The following ENAH variants were observed in gnomAD, a reference collection of about 807,000 sequenced individuals.
ENAH encodes the protein ENAH actin regulator, also known as protein enabled homolog.
A neutral mutation model predicts 78.7 loss-of-function variants in ENAH; 23 were observed. That is an observed-to-expected ratio of 0.29 (90% CI 0.21 to 0.41). The LOEUF (loss-of-function observed/expected upper bound fraction) is 0.41, where lower values mean the gene tolerates loss of function less well. Ranked by LOEUF, ENAH falls within the 10% of genes least tolerant of loss-of-function variation. The pLI, the probability that ENAH is intolerant of heterozygous loss-of-function variation, is 1.00. For synonymous variants in ENAH, 226 were observed against 241.0 expected (o/e 0.94, Z 0.58); for missense variants, 544 against 691.0 (o/e 0.79, Z 2.39).
intron 3 of ENAH, among the ~76,000 whole-genome samples, chr1:225,539,427 T>C (rs17501845): frequency 0.043 from 6,544 of 152,284 alleles, 229 homozygotes; most frequent in South Asian, 0.1. Context: ...TACATATATA[T>C]AAATGATAAA....
intron 10 of ENAH, among the ~76,000 whole-genome samples, chr1:225,509,312 G>T (rs1415124999): frequency 1.3e-5 from 2 of 152,204 alleles, no homozygotes; most frequent in African/African-American, 4.8e-5. Flanking sequence ...TCACTAAAGA[G>T]GCGGCGGGTG....
intron 2 of ENAH, among the ~76,000 whole-genome samples, chr1:225,556,954 A>G (rs2096670325): frequency 6.6e-6 from 1 of 152,200 alleles, no homozygotes; most frequent in Non-Finnish European, 1.5e-5. Flanking sequence ...CCTGCAGCAC[A>G]TAAATCAAGT....
At chr1:225,633,039 CTTT>C (rs3050270) in intron 1 of ENAH, among the ~76,000 whole-genome samples, 3 of 141,814 alleles carry the variant, frequency 2.1e-5, no homozygotes, top group Non-Finnish European at 1.5e-5. Flanking sequence ...CACTCAAAGT[CTTT>C]TTTTTTTTTT....
At chr1:225,505,604 A>G (rs16845000) in intron 11 of ENAH, among the ~76,000 whole-genome samples, 11,875 of 143,144 alleles carry the variant, frequency 0.083, 583 homozygotes, top group Admixed American at 0.15. Flanking sequence ...GGGGACCTTC[A>G]CTACAATGCA....
intron 11 of ENAH, among the ~76,000 whole-genome samples, chr1:225,504,216 C>T (rs2096307737): frequency 6.6e-6 from 1 of 151,906 alleles, no homozygotes; most frequent in African/African-American, 2.4e-5. Flanking sequence ...GCTATGTTTC[C>T]CAGGCTGGTC....
In ENAH at chr1:225,488,150, G is replaced by C. The variant is rs527666316; in HGVS notation, c.*9625C>G. ...GGGCAGCAGACAGCACAATAGTCAA[G>C]GACAAGGTTTTTATTTATTTATTTA... On this transcript the variant is annotated 3_prime_UTR_variant, in exon 14 of 14. Transcript: ENST00000366843. 6.6e-6 allele frequency: 1 copy of C among 152,032 alleles called. No individual in the cohort carries two copies. Among genetic ancestry groups the C allele is most frequent in the African/African-American group, 2.4e-5 (1 of 41,500 alleles). 9.4% of individuals were successfully genotyped at this position (152,032 alleles called of 1,614,324 possible).
intron 5 of ENAH, 64 bp from the exon 6 acceptor site, chr1:225,517,370 G>C: frequency 1.3e-6 from 2 of 1,551,826 alleles, no homozygotes; most frequent in South Asian, 2.4e-5. Context: ...GGGGTGCTTG[G>C]AGGAGGAGAA....
rs527652675 is a variant in ENAH, at chr1:225,591,677, A to G, written c.6-24263T>C. Among the ~76,000 whole-genome samples the G allele has an allele frequency of 1.3e-4, 19 of 148,248 alleles. No individual in the cohort carries two copies. In the South Asian group the frequency reaches 4.1e-3, roughly 32 times the overall value. ...CTACTTGGGAGGCTGAGGCAGGAGA[A>G]CTGCCTGAACCCGGGAGGCGGAGGC... On this transcript the variant is annotated intron_variant, in intron 1 of 13. Transcript: ENST00000366843.
intron 3 of ENAH, chr1:225,535,476 G>C: frequency 1.6e-6 from 2 of 1,288,526 alleles, no homozygotes; most frequent in Non-Finnish European, 1.0e-6. Flanking sequence ...ACCACAGCTT[G>C]AAAAAGTAAT....
chr1:225,553,555 C>T (rs1030002346), intron 3 of ENAH, among the ~76,000 whole-genome samples: 3 of 151,444 alleles, frequency 2.0e-5, no homozygotes, highest in East Asian at 1.9e-4. Context: ...CATAACTGAC[C>T]TATCCAACAA....
chr1:225,611,632 T>G (rs1479065827), intron 1 of ENAH, among the ~76,000 whole-genome samples: 2 of 152,016 alleles, frequency 1.3e-5, no homozygotes, highest in Non-Finnish European at 2.9e-5. Context: ...AAAAAAAATT[T>G]TTTAATTAGC....
intron 1 of ENAH, among the ~76,000 whole-genome samples, chr1:225,588,801 CAAAAAAAAA>C (rs55962047): frequency 2.6e-5 from 2 of 78,430 alleles, no homozygotes; most frequent in African/African-American, 5.3e-5. Context: ...AAGTCTGTGT[CAAAAAAAAA>C]AAAAAAAAAA....
intron 1 of ENAH, among the ~76,000 whole-genome samples, chr1:225,604,797 A>G (rs2096948825): frequency 6.6e-6 from 1 of 152,182 alleles, no homozygotes; most frequent in South Asian, 2.1e-4. Context: ...TGTCTCAAAC[A>G]AAAACAAACA....
chr1:225,652,735 A>C lies in ENAH; in HGVS notation c.-45T>G. ...CTTCCCCACCAGCCGGGAGACGCAGAAGGCGCCGAGCCGAGGGGGGGGTCT... is the reference window on the plus strand; with the variant it reads ...CTTCCCCACCAGCCGGGAGACGCAGCAGGCGCCGAGCCGAGGGGGGGGTCT... On this transcript the variant is annotated 5_prime_UTR_variant, in exon 1 of 14. Transcript: ENST00000366843. 1 of 1,315,742 alleles carries C rather than the reference A, an allele frequency of 7.6e-7. No homozygotes were observed. The highest frequency in any genetic ancestry group is 2.2e-5 in the South Asian group (1 of 45,622). 81.5% of individuals were successfully genotyped at this position (1,315,742 alleles called of 1,614,324 possible). A position where few individuals can be genotyped will look rare whatever the true frequency, so the allele number is the denominator to read the frequency against.
intron 9 of ENAH, 38 bp downstream of exon 9, chr1:225,512,619 A>C (rs376296286): frequency 6.3e-7 from 1 of 1,580,724 alleles, no homozygotes; most frequent in Non-Finnish European, 8.6e-7. Flanking sequence ...CCTGAATTCC[A>C]TATTTTAAGG....
chr1:225,596,408 CAATG>C (rs2096902135), intron 1 of ENAH, among the ~76,000 whole-genome samples: 1 of 152,138 alleles, frequency 6.6e-6, no homozygotes, highest in Non-Finnish European at 1.5e-5. Flanking sequence ...CTCTGGTTTT[CAATG>C]TCCTGATCTC....
intron 4 of ENAH, among the ~76,000 whole-genome samples, chr1:225,529,632 T>G (rs1466959734): frequency 6.6e-6 from 1 of 151,920 alleles, no homozygotes; most frequent in Non-Finnish European, 1.5e-5. Flanking sequence ...CTTCCCAATA[T>G]AAGTACTTAG....
intron 1 of ENAH, among the ~76,000 whole-genome samples, chr1:225,596,586 T>G (rs934350377): frequency 6.6e-5 from 10 of 152,208 alleles, no homozygotes; most frequent in African/African-American, 2.4e-4. Flanking sequence ...TCAAATAGCA[T>G]TTAAATTATG....
intron 1 of ENAH, among the ~76,000 whole-genome samples, chr1:225,631,807 T>C (rs1659130956): frequency 6.6e-6 from 1 of 152,170 alleles, no homozygotes; most frequent in South Asian, 2.1e-4. Context: ...TGTTTTGTTT[T>C]GTTTTGTTTT....
Sources: gnomAD v4.1 joint callset for allele counts (sites outside exome capture counted in the v4.1 genomes callset) on GRCh38, gnomAD v4.1.1 for gene constraint, MANE v1.5 for transcripts, NCBI Gene and HGNC (gene_info 2026-07-23, HGNC 2026-07-21) for gene names.